Variants in FCHSD2 observed in about 807,000 individuals in gnomAD.
FCHSD2 encodes FCH and double SH3 domains 2.
FCHSD2 carries 38 observed loss-of-function variants against 108.1 expected under a neutral mutation model. That is an observed-to-expected ratio of 0.35 (90% CI 0.27 to 0.46). FCHSD2 has a LOEUF of 0.46. Among genes scored for constraint, FCHSD2 ranks in the 20% least tolerant of loss-of-function variants. FCHSD2 has a pLI of 1.00. For missense variants in FCHSD2, 751 were observed against 897.8 expected (o/e 0.84, Z 2.09); for synonymous variants, 279 against 314.7 (o/e 0.89, Z 1.20).
rs530473700 is a variant in FCHSD2 at position 73,142,069 on chromosome 11, G to A, written c.-192C>T. 1.4e-3 allele frequency: 747 copies of A among 545,354 alleles called. 1 individual carries two copies. Among genetic ancestry groups the A allele is most frequent in the Non-Finnish European group, 1.9e-3 (607 of 311,806 alleles). The allele number at this position is 545,354 out of a possible 1,614,324, so 33.8% of individuals were successfully genotyped here. On this transcript the variant is annotated 5_prime_UTR_variant, in exon 1 of 20. Coordinates refer to ENST00000409418, the MANE Select transcript of FCHSD2 (RefSeq NM_014824.3). ...GACCCCAGCCAGAGAGCGAGTGTGAGGAGACGAGGGAGGAGCACCGGGAAG... is the reference window on the plus strand; with the variant it reads ...GACCCCAGCCAGAGAGCGAGTGTGAAGAGACGAGGGAGGAGCACCGGGAAG...
Position 72,881,482 on chromosome 11 carries a change from T to G in FCHSD2, c.1146+5988A>C, listed in dbSNP as rs1023386150. Among the ~76,000 whole-genome samples the G allele has an allele frequency of 3.6e-4, 54 of 151,862 alleles. 1 individual carries two copies. The highest frequency in any genetic ancestry group is 3.2e-3 in the Middle Eastern group (1 of 316). On this transcript the variant is annotated intron_variant, in intron 12 of 19. Coordinates refer to ENST00000409418, the MANE Select transcript of FCHSD2 (RefSeq NM_014824.3). ...GCTATTATGGAAAACAGCATGGAGG[T>G]TTCTCAAAAGACTAAAAATAGAACT...
At chr11:73,106,115 A>T (rs1008063616) in intron 2 of FCHSD2, among the ~76,000 whole-genome samples, 1 of 152,220 alleles carries the variant, frequency 6.6e-6, no homozygotes, top group Non-Finnish European at 1.5e-5. Context: ...GTAAATAATT[A>T]ATTTTACAAA....
intron 3 of FCHSD2, chr11:73,077,593 T>C (rs1315355081): frequency 2.4e-6 from 1 of 423,940 alleles, no homozygotes; most frequent in Non-Finnish European, 4.6e-6. Context: ...TTATTTATAA[T>C]ACTCAAAAAA....
Position 72,989,058 on chromosome 11 carries a change from C to T in FCHSD2, c.427G>A (p.Glu143Lys). ...CCTTTAGCTAAATCTTTCACTGTCT[C>T]TTGTAATTCAGTTTGGATCTTTGTC... ...QLTKIQTELQ[E>K]TVKDLAKGKK... is the part of the protein sequence containing the mutation. Residue 143 changes from glutamate (E) to lysine (K), a missense_variant, in exon 6 of 20, where the codon GAG (glutamate) becomes AAG (lysine). Coordinates refer to ENST00000409418, the MANE Select transcript of FCHSD2 (RefSeq NM_014824.3). 6.2e-7 allele frequency: 1 copy of T among 1,609,120 alleles called. No individual in the cohort carries two copies.
At position 73,113,662 on chromosome 11, in the gene FCHSD2, C is replaced by A. The variant is rs562904275; in HGVS notation, c.119+26369G>T. On this transcript the variant is annotated intron_variant, in intron 2 of 19. Transcript: ENST00000409418. ...TTTATTGTAGTCGTCATAGTCTGGG[C>A]TTGTTTGTACCCGTCCTTCTTGGGA... Among the ~76,000 whole-genome samples the A allele has an allele frequency of 7.2e-5, 11 of 152,246 alleles. No homozygotes were observed. In the East Asian group the frequency reaches 2.1e-3, roughly 29 times the overall value.
rs80333510 is a variant in FCHSD2, at chr11:73,065,308, G to A, written c.165+18387C>T. On this transcript the variant is annotated intron_variant, in intron 3 of 19. Transcript: ENST00000409418. ...AAGGCCTTTGACAAAATTAAACAGC[G>A]CTTCATGCTAAAAACTCTCAATAAA... Among the ~76,000 whole-genome samples, 7 of 152,116 alleles carry A rather than the reference G, an allele frequency of 4.6e-5. No homozygotes were observed. The East Asian group carries it at 1.2e-3, about 25-fold the overall frequency.
intron 3 of FCHSD2, among the ~76,000 whole-genome samples, chr11:73,066,353 T>G (rs1859292046): frequency 1.3e-5 from 2 of 152,118 alleles, no homozygotes; most frequent in Admixed American, 6.6e-5. Context: ...CAGCTCGAGA[T>G]GGATCAAAGA....
chr11:72,952,854 T>C (rs1292265084), intron 8 of FCHSD2, among the ~76,000 whole-genome samples: 3 of 152,176 alleles, frequency 2.0e-5, no homozygotes, highest in African/African-American at 7.2e-5. Flanking sequence ...CAGTTTAAGA[T>C]ATATAATAAA....
rs767437963 is a variant in FCHSD2, at chr11:72,841,618, C to T, written c.1927-35G>A. On this transcript the variant is annotated intron_variant, in intron 17 of 19. Transcript: ENST00000409418. Reference sequence around the variant, plus strand: ...AGGGAAGCGAGGTTACCCGGTGCTCCCCTCCAGGAAGGAGAGCCTGGCTGC... The same window carrying T: ...AGGGAAGCGAGGTTACCCGGTGCTCTCCTCCAGGAAGGAGAGCCTGGCTGC... The T allele has an allele frequency of 3.2e-6, 5 of 1,556,458 alleles. No homozygotes were observed. The South Asian group carries it at 6.0e-5, about 19-fold the overall frequency.
At chr11:73,055,880 C>T (rs1402350484) in intron 3 of FCHSD2, among the ~76,000 whole-genome samples, 2 of 152,130 alleles carry the variant, frequency 1.3e-5, no homozygotes, top group Non-Finnish European at 2.9e-5. Context: ...AGGGGAATTA[C>T]TGCTTAATGA....
chr11:72,878,117 CA>C (rs1855006681), intron 12 of FCHSD2, among the ~76,000 whole-genome samples: 1 of 151,382 alleles, frequency 6.6e-6, no homozygotes, highest in Non-Finnish European at 1.5e-5. Context: ...CAAATAAGTT[CA>C]ATAAAATCCC....
At position 73,142,234 on chromosome 11, in the gene FCHSD2, G is replaced by A. The variant is rs1861270958; in HGVS notation, c.-357C>T. ...CGGGTTAGCCGCAGCCGCGTTGTCC[G>A]CGCTCCCGGTCGGCCGCCTGCGCCG... is the stretch of plus-strand genomic sequence containing the variant. On this transcript the variant is annotated 5_prime_UTR_variant, in exon 1 of 20. Coordinates refer to ENST00000409418, the MANE Select transcript of FCHSD2 (RefSeq NM_014824.3). 1 of 158,480 alleles carries A rather than the reference G, an allele frequency of 6.3e-6. No homozygotes were observed. Among genetic ancestry groups the A allele is most frequent in the South Asian group, 2.0e-4 (1 of 4,886 alleles). 9.8% of individuals were successfully genotyped at this position (158,480 alleles called of 1,614,324 possible).
At chr11:72,898,325 T>G (rs1281393661) in intron 10 of FCHSD2, among the ~76,000 whole-genome samples, 2 of 152,256 alleles carry the variant, frequency 1.3e-5, no homozygotes, top group Admixed American at 1.3e-4. Context: ...ATAACTTTCC[T>G]AACTATATCT....
chr11:73,116,272 T>C (rs972086097), intron 2 of FCHSD2, among the ~76,000 whole-genome samples: 8 of 152,212 alleles, frequency 5.3e-5, no homozygotes, highest in Admixed American at 2.6e-4. Context: ...TTTTCTTATA[T>C]ACCACTAGAT....
intron 13 of FCHSD2, among the ~76,000 whole-genome samples, chr11:72,853,445 C>T (rs149469294): frequency 5.5e-4 from 83 of 152,250 alleles, no homozygotes; most frequent in African/African-American, 1.9e-3. Flanking sequence ...GACAGAGTCT[C>T]GCTCTGTTGC....
intron 2 of FCHSD2, among the ~76,000 whole-genome samples, chr11:73,138,320 T>C (rs139693098): frequency 6.9e-4 from 105 of 152,342 alleles, no homozygotes; most frequent in African/African-American, 2.5e-3. Flanking sequence ...GCAGTGTCCA[T>C]ATTCTTGACC....
intron 14 of FCHSD2, among the ~76,000 whole-genome samples, chr11:72,848,808 T>C (rs546045887): frequency 6.6e-6 from 1 of 152,258 alleles, no homozygotes; most frequent in East Asian, 1.9e-4. Flanking sequence ...GACGTTCAAG[T>C]AAATATAATG....
chr11:72,898,901 C>G (rs532075125), intron 10 of FCHSD2, among the ~76,000 whole-genome samples: 41 of 151,596 alleles, frequency 2.7e-4, no homozygotes, highest in African/African-American at 9.9e-4. Flanking sequence ...AGCTAGTTTT[C>G]TGTATTATTA....
At chr11:73,017,934 TAA>T (rs1565370086) in intron 3 of FCHSD2, among the ~76,000 whole-genome samples, 1 of 152,196 alleles carries the variant, frequency 6.6e-6, no homozygotes, top group Non-Finnish European at 1.5e-5. Flanking sequence ...TATAATTCTA[TAA>T]AGAATTATCC....
Sources: allele counts gnomAD v4.1 joint callset (sites outside exome capture counted in the v4.1 genomes callset), GRCh38; gene constraint gnomAD v4.1.1; transcripts MANE v1.5; gene names NCBI Gene and HGNC (gene_info 2026-07-23, HGNC 2026-07-21).